CMPK1: variants seen among roughly 807,000 people sequenced by gnomAD.
CMPK1 encodes the protein UMP-CMP kinase.
CMPK1 carries 10 observed loss-of-function variants against 25.7 expected under a neutral mutation model. The observed-to-expected ratio is 0.39, with a 90% CI of 0.24 to 0.66. The LOEUF (loss-of-function observed/expected upper bound fraction) is 0.66. Ranked by LOEUF, CMPK1 falls within the 30% of genes least tolerant of loss-of-function variation. CMPK1 has a pLI of 0.48. For synonymous variants in CMPK1, 106 were observed against 101.5 expected, an observed-to-expected ratio of 1.04 and a Z score of -0.27; for missense variants, 199 against 280.5, an observed-to-expected ratio of 0.71 and a Z score of 2.08.
At chr1:47,345,669 A>G (rs562763107) in intron 1 of CMPK1, among the ~76,000 whole-genome samples, 1 of 147,786 alleles carries the variant, frequency 6.8e-6, no homozygotes, top group Admixed American at 6.7e-5. Flanking sequence ...AATTTTTTGT[A>G]TTTTTAGTCA....
At chr1:47,338,898 A>G (rs1646419454) in intron 1 of CMPK1, among the ~76,000 whole-genome samples, 2 of 152,130 alleles carry the variant, frequency 1.3e-5, no homozygotes, top group Non-Finnish European at 2.9e-5. Context: ...ACCTAAATTT[A>G]TATTTGAAAA....
At chr1:47,349,239 C>T (rs773255724) in intron 1 of CMPK1, among the ~76,000 whole-genome samples, 17 of 152,130 alleles carry the variant, frequency 1.1e-4, no homozygotes, top group Admixed American at 3.3e-4. Context: ...AGCTTGAAGA[C>T]GAAAGACTGC....
chr1:47,374,839 G>C, intron 3 of CMPK1, 70 bp from the exon 4 acceptor site: 2 of 1,190,074 alleles, frequency 1.7e-6, no homozygotes, highest in Non-Finnish European at 2.4e-6. Flanking sequence ...TTAAACTCTT[G>C]TTTTCTTTGC....
rs1306618397 is a variant in CMPK1, at chr1:47,368,598, A to G, written c.301A>G (p.Ile101Val). The G allele has an allele frequency of 6.2e-7, 1 of 1,607,620 alleles. No individual in the cohort carries two copies. The highest frequency in any genetic ancestry group is 8.5e-7 in the Non-Finnish European group (1 of 1,177,046). Residue 101 changes from isoleucine (I) to valine (V), a missense_variant, in exon 2 of 6, where the codon ATC becomes GTC. Ile to Val is a conservative substitution (Grantham distance 29). This residue lies in a region of CMPK1 where 140 missense variants were observed against 235.5 expected (regional missense o/e 0.59). Coordinates refer to ENST00000371873, the MANE Select transcript of CMPK1 (RefSeq NM_016308.3). ...AAAGATTGTACCAGTTGAGATAACCATCAGTTTATTAAAGAGGGTAAGGAG... is the reference window on the plus strand; with the variant it reads ...AAAGATTGTACCAGTTGAGATAACCGTCAGTTTATTAAAGAGGGTAAGGAG... ...EGKIVPVEIT[I>V]SLLKREMDQT...
At chr1:47,371,542 A>G (rs1428211419) in intron 2 of CMPK1, among the ~76,000 whole-genome samples, 1 of 152,098 alleles carries the variant, frequency 6.6e-6, no homozygotes, top group Non-Finnish European at 1.5e-5. Flanking sequence ...TTTGTTCTTT[A>G]TGACAGCGTC....
chr1:47,352,399 G>T (rs1646529095), intron 1 of CMPK1, among the ~76,000 whole-genome samples: 1 of 151,930 alleles, frequency 6.6e-6, no homozygotes, highest in South Asian at 2.1e-4. Context: ...ATGGTGCAGA[G>T]ATTAAAAAGG....
chr1:47,341,992 A>ACTGCAGC (rs1448839482), intron 1 of CMPK1, among the ~76,000 whole-genome samples: 1 of 151,956 alleles, frequency 6.6e-6, no homozygotes, highest in Non-Finnish European at 1.5e-5. Context: ...ATCACTGCTC[A>ACTGCAGC]CTGCAGCCAC....
chr1:47,353,609 A>G (rs1646537237), intron 1 of CMPK1, among the ~76,000 whole-genome samples: 1 of 151,944 alleles, frequency 6.6e-6, no homozygotes, highest in African/African-American at 2.4e-5. Context: ...GGTGGTTTTT[A>G]TATTGGGATT....
intron 1 of CMPK1, among the ~76,000 whole-genome samples, chr1:47,344,221 C>T (rs1429263612): frequency 1.3e-5 from 2 of 152,032 alleles, no homozygotes; most frequent in Non-Finnish European, 2.9e-5. Context: ...AGGGAAGGGA[C>T]ATCTAAATGT....
chr1:47,339,384 C>T (rs1646422802), intron 1 of CMPK1, among the ~76,000 whole-genome samples: 2 of 152,032 alleles, frequency 1.3e-5, no homozygotes, highest in Non-Finnish European at 2.9e-5. Flanking sequence ...TTTGCCTGGC[C>T]ATCCTACTTA....
intron 1 of CMPK1, among the ~76,000 whole-genome samples, chr1:47,367,854 A>G (rs1207643741): frequency 6.6e-6 from 1 of 152,074 alleles, no homozygotes; most frequent in Admixed American, 6.6e-5. Context: ...TGCAACCTTA[A>G]ACTCCCAGAC....
rs1294827665 is a variant in CMPK1, at chr1:47,377,280, AAAG to A, written c.*537_*539del. ...TTAAATAACTGACCATTTGCTGTAG[AAAG>A]ATGAGAAAACTTAAGCTTTGTTTTA... is the stretch of plus-strand genomic sequence containing the variant. On this transcript the variant is annotated 3_prime_UTR_variant, in exon 6 of 6. Coordinates refer to ENST00000371873, the MANE Select transcript of CMPK1 (RefSeq NM_016308.3). The A allele has an allele frequency of 6.6e-6, 1 of 152,478 alleles. No individual in the cohort carries two copies. The highest frequency in any genetic ancestry group is 1.5e-5 in the Non-Finnish European group (1 of 68,048). The allele number at this position is 152,478 out of a possible 1,614,324, so 9.4% of individuals were successfully genotyped here. A position where few individuals can be genotyped will look rare whatever the true frequency, so the allele number is the denominator to read the frequency against.
intron 1 of CMPK1, among the ~76,000 whole-genome samples, chr1:47,345,067 C>T (rs987604244): frequency 6.6e-6 from 1 of 151,958 alleles, no homozygotes. Flanking sequence ...CAAGCGTGCA[C>T]CACCATGCCC....
At chr1:47,339,896 T>A (rs879363445) in intron 1 of CMPK1, among the ~76,000 whole-genome samples, 1 of 151,488 alleles carries the variant, frequency 6.6e-6, no homozygotes, top group Non-Finnish European at 1.5e-5. Context: ...TTAGTAGAGA[T>A]GGGGTTTCAC....
rs748442752 is a variant in CMPK1, at chr1:47,372,949, C to A, written c.319-6C>A. On this transcript the variant is annotated splice_region_variant and splice_polypyrimidine_tract_variant and intron_variant, in intron 2 of 5. Coordinates refer to ENST00000371873, the MANE Select transcript of CMPK1 (RefSeq NM_016308.3). ...GTATTGAACCTAAATCTTCTTTTTC[C>A]TTTAGGAAATGGATCAGACAATGGC... is the stretch of plus-strand genomic sequence containing the variant. The A allele has an allele frequency of 3.1e-6, 5 of 1,598,628 alleles. No individual in the cohort carries two copies. The South Asian group carries it at 4.5e-5, about 14-fold the overall frequency.
chr1:47,370,001 G>A (rs1427324257), intron 2 of CMPK1, among the ~76,000 whole-genome samples: 5 of 125,836 alleles, frequency 4.0e-5, no homozygotes, highest in Admixed American at 1.7e-4. Flanking sequence ...TGCAAGCTCC[G>A]CCTCCTGGGT....
At chr1:47,335,393 C>T (rs1011045378) in intron 1 of CMPK1, among the ~76,000 whole-genome samples, 2 of 152,122 alleles carry the variant, frequency 1.3e-5, no homozygotes, top group African/African-American at 4.8e-5. Context: ...AATCCCAGCA[C>T]TTTGGGAGGC....
chr1:47,363,858 G>A (rs889524261), intron 1 of CMPK1, among the ~76,000 whole-genome samples: 14 of 152,074 alleles, frequency 9.2e-5, no homozygotes, highest in African/African-American at 1.2e-4. Flanking sequence ...CAGGAGAATC[G>A]CTTGAACCTG....
intron 1 of CMPK1, among the ~76,000 whole-genome samples, chr1:47,347,777 C>A (rs1219451019): frequency 6.6e-6 from 1 of 152,110 alleles, no homozygotes; most frequent in Non-Finnish European, 1.5e-5. Flanking sequence ...AGGCATGCGC[C>A]GTTACCATGC....
Sources: allele counts gnomAD v4.1 joint callset (sites outside exome capture counted in the v4.1 genomes callset), GRCh38; gene constraint gnomAD v4.1.1; regional missense constraint gnomAD v4.1.1; transcripts MANE v1.5; gene names NCBI Gene and HGNC (gene_info 2026-07-23, HGNC 2026-07-21).